The following HSPA12A variants were observed in gnomAD, a reference collection of about 807,000 sequenced individuals.
The protein encoded by HSPA12A is heat shock 70 kDa protein 12A.
A neutral mutation model predicts 69.2 loss-of-function variants in HSPA12A; 28 were observed. The observed-to-expected ratio is 0.40, with a 90% CI of 0.30 to 0.55. HSPA12A has a LOEUF of 0.55. Among genes scored for constraint, HSPA12A ranks in the 20% least tolerant of loss-of-function variants. HSPA12A has a pLI of 0.38. For synonymous variants in HSPA12A, 345 were observed against 370.5 expected (o/e 0.93, Z 0.79); for missense variants, 686 against 900.7 (o/e 0.76, Z 3.05).
intron 2 of HSPA12A, among the ~76,000 whole-genome samples, chr10:116,809,300 C>T (rs1016326099): frequency 6.6e-6 from 1 of 152,156 alleles, no homozygotes; most frequent in Non-Finnish European, 1.5e-5. Context: ...GGTGATGGGG[C>T]TCCATTACCC....
intron 1 of HSPA12A, among the ~76,000 whole-genome samples, chr10:116,735,595 C>T (rs550592328): frequency 6.7e-4 from 102 of 152,286 alleles, no homozygotes; most frequent in Middle Eastern, 3.4e-3. Context: ...TCTTGGACTA[C>T]CCAGACTAGT....
upstream of HSPA12A, among the ~76,000 whole-genome samples, chr10:116,745,358 C>A (rs1851626185): frequency 6.6e-6 from 1 of 152,182 alleles, no homozygotes; most frequent in Admixed American, 6.5e-5. Context: ...CAGGGCACGC[C>A]CAGACTCCTG....
intron 2 of HSPA12A, among the ~76,000 whole-genome samples, chr10:116,799,539 G>T (rs1018318725): frequency 1.4e-4 from 22 of 152,158 alleles, no homozygotes; most frequent in African/African-American, 4.8e-4. Flanking sequence ...ACACAATGGG[G>T]TTATTCCTCT....
chr10:116,834,689 G>C (rs761936720), intron 2 of HSPA12A, among the ~76,000 whole-genome samples: 1 of 152,140 alleles, frequency 6.6e-6, no homozygotes, highest in Non-Finnish European at 1.5e-5. Flanking sequence ...CTAGGCTTTG[G>C]ATAGGTGGGA....
chr10:116,798,316 C>A (rs1360069121), intron 2 of HSPA12A, among the ~76,000 whole-genome samples: 7 of 152,264 alleles, frequency 4.6e-5, no homozygotes. Context: ...GTGGAGGGAG[C>A]TCCCAGGACT....
chr10:116,788,985 G>T (rs1270349436), intron 2 of HSPA12A, among the ~76,000 whole-genome samples: 1 of 151,598 alleles, frequency 6.6e-6, no homozygotes, highest in Non-Finnish European at 1.5e-5. Flanking sequence ...CCCTGCCTCG[G>T]CCTCCTAGTA....
chr10:116,676,505 G>T lies in HSPA12A; in HGVS notation c.1287-3C>A, dbSNP rs1435544356. 2.5e-6 allele frequency: 4 copies of T among 1,611,086 alleles called. No individual in the cohort carries two copies. Among genetic ancestry groups the T allele is most frequent in the Non-Finnish European group, 3.4e-6 (4 of 1,177,722 alleles). On this transcript the variant is annotated splice_region_variant and splice_polypyrimidine_tract_variant and intron_variant, in intron 10 of 11. Coordinates refer to ENST00000369209, the MANE Select transcript of HSPA12A (RefSeq NM_025015.3). ...AGGACCACTTCACAAAATCCACACT[G>T]CAGGAGCATAGCATGGAGAAGAGCA...
chr10:116,728,225 G>A (rs1291487395), intron 1 of HSPA12A, among the ~76,000 whole-genome samples: 1 of 152,178 alleles, frequency 6.6e-6, no homozygotes, highest in African/African-American at 2.4e-5. Context: ...ACAGATGTGA[G>A]CCACTATGCC....
At chr10:116,839,444 T>C (rs144045202) in intron 1 of HSPA12A, among the ~76,000 whole-genome samples, 3 of 152,162 alleles carry the variant, frequency 2.0e-5, no homozygotes, top group Non-Finnish European at 4.4e-5. Flanking sequence ...AGTCTTCCCA[T>C]ACCCTTGTTT....
intron 4 of HSPA12A, among the ~76,000 whole-genome samples, chr10:116,700,139 A>G (rs1850039022): frequency 6.6e-6 from 1 of 152,252 alleles, no homozygotes; most frequent in African/African-American, 2.4e-5. Context: ...GAGGGGTTAC[A>G]TAACTTGGAT....
At chr10:116,798,342 T>C (rs1043249200) in intron 2 of HSPA12A, among the ~76,000 whole-genome samples, 6 of 152,108 alleles carry the variant, frequency 3.9e-5, no homozygotes, top group Admixed American at 2.6e-4. Context: ...CTTTTAGCTT[T>C]AAAACCAGGA....
chr10:116,773,850 T>C (rs1383015264), intron 2 of HSPA12A, among the ~76,000 whole-genome samples: 1 of 152,200 alleles, frequency 6.6e-6, no homozygotes, highest in African/African-American at 2.4e-5. Context: ...ACAATGGTCA[T>C]TATCATGGTG....
upstream of HSPA12A, chr10:116,850,068 C>A: frequency 2.1e-6 from 1 of 471,666 alleles, no homozygotes; most frequent in Admixed American, 3.5e-5. Context: ...CCATGCTTGC[C>A]AATTGTCATT....
At chr10:116,694,348 G>A (rs1235362978) in intron 5 of HSPA12A, among the ~76,000 whole-genome samples, 1 of 152,136 alleles carries the variant, frequency 6.6e-6, no homozygotes, top group African/African-American at 2.4e-5. Flanking sequence ...CCAGCCCCTG[G>A]CAAGGTCTAG....
intron 6 of HSPA12A, among the ~76,000 whole-genome samples, chr10:116,687,943 G>T (rs569321244): frequency 1.1e-3 from 166 of 152,206 alleles, no homozygotes; most frequent in Non-Finnish European, 1.8e-3. Flanking sequence ...TTTGGATGCA[G>T]CCCAACACAA....
upstream of HSPA12A, among the ~76,000 whole-genome samples, chr10:116,743,097 G>C (rs11197809): frequency 0.43 from 37,440 of 87,394 alleles, 5,511 homozygotes; most frequent in Middle Eastern, 0.57. Context: ...CCAAGGACCT[G>C]CGCGGGGGCC....
rs1483475218 is a variant in HSPA12A, at chr10:116,673,071, CCATT to C, written c.*1706_*1709del. 2.6e-5 allele frequency: 4 copies of C among 152,654 alleles called. No individual in the cohort carries two copies. Among genetic ancestry groups the C allele is most frequent in the Non-Finnish European group, 5.9e-5 (4 of 68,032 alleles). The allele number at this position is 152,654 out of a possible 1,614,324, so 9.5% of individuals were successfully genotyped here. A position where few individuals can be genotyped will look rare whatever the true frequency, so the allele number is the denominator to read the frequency against. ...GTTGCATTGGAAGTTCACTCATTCT[CCATT>C]CATTATGCATGCCTCCAGTGATTTA... On this transcript the variant is annotated 3_prime_UTR_variant, in exon 12 of 12. Transcript: ENST00000369209.
chr10:116,737,807 A>G (rs1554886571), intron 1 of HSPA12A, among the ~76,000 whole-genome samples: 1 of 152,206 alleles, frequency 6.6e-6, no homozygotes, highest in African/African-American at 2.4e-5. Flanking sequence ...TCAGAGCAGC[A>G]TCTGCAAAGC....
intron 2 of HSPA12A, among the ~76,000 whole-genome samples, chr10:116,802,461 A>G (rs1183318623): frequency 6.6e-6 from 1 of 152,208 alleles, no homozygotes; most frequent in Non-Finnish European, 1.5e-5. Context: ...GGAACACTTG[A>G]GAGGATGCAC....
Sources: gnomAD v4.1 joint callset for allele counts (sites outside exome capture counted in the v4.1 genomes callset) on GRCh38, gnomAD v4.1.1 for gene constraint, MANE v1.5 for transcripts, NCBI Gene and HGNC (gene_info 2026-07-23, HGNC 2026-07-21) for gene names.